Variants in PCDHGA6 observed in about 807,000 individuals in gnomAD.
PCDHGA6 encodes the protein protocadherin gamma-A6.
In PCDHGA6, 41 loss-of-function variants were observed where a neutral mutation model predicts 60.6. That is an observed-to-expected ratio of 0.68 (90% CI 0.53 to 0.88). The LOEUF is 0.88. Ranked by LOEUF, PCDHGA6 falls within the 40% of genes least tolerant of loss-of-function variation. The pLI is 0.00. For synonymous variants in PCDHGA6, 594 were observed against 524.4 expected (o/e 1.13, Z -1.81); for missense variants, 1,312 against 1,203.0 (o/e 1.09, Z -1.34).
intron 1 of PCDHGA6, among the ~76,000 whole-genome samples, chr5:141,461,054 T>C (rs984461416): frequency 6.6e-6 from 1 of 151,758 alleles, no homozygotes; most frequent in African/African-American, 2.4e-5. Context: ...GGGACTTAGG[T>C]TGGTTTCACA....
chr5:141,419,148 C>G, intron 1 of PCDHGA6: 1 of 1,613,940 alleles, frequency 6.2e-7, no homozygotes. Flanking sequence ...AGGGGCAAGC[C>G]TCCGTTATCC....
At chr5:141,500,152 A>C (rs1301287171) in intron 2 of PCDHGA6, among the ~76,000 whole-genome samples, 1 of 151,610 alleles carries the variant, frequency 6.6e-6, no homozygotes, top group African/African-American at 2.4e-5. Flanking sequence ...TTCTTTGTGT[A>C]ATCAAAGAAC....
chr5:141,473,763 GGATTTGGT>G (rs1358359618), intron 1 of PCDHGA6, among the ~76,000 whole-genome samples: 73 of 152,322 alleles, frequency 4.8e-4, no homozygotes, highest in African/African-American at 1.7e-3. Context: ...ACTATGCAAA[GGATTTGGT>G]ATTTTAATTC....
In PCDHGA6 at chr5:141,374,275, C is replaced by A. The variant is rs3749775; in HGVS notation, c.192C>A (p.Val64=). ...CCCAGGAGTTGGCGGAGCACGGAGTCCGCATCGTCTCCAGAGGTAGGATGC... is the reference window on the plus strand; with the variant it reads ...CCCAGGAGTTGGCGGAGCACGGAGTACGCATCGTCTCCAGAGGTAGGATGC... ...LEPQELAEHG[V]RIVSRGRMQL... The change falls in exon 1 of 4, where the codon GTC becomes GTA. Residue 64 remains valine (V), a synonymous_variant. Transcript: ENST00000517434. The A allele has an allele frequency of 0.053, 85,315 of 1,613,944 alleles. 2,491 individuals carry two copies. Among genetic ancestry groups the A allele is most frequent in the African/African-American group, 0.097 (7,246 of 75,040 alleles).
At position 141,487,344 on chromosome 5, in the gene PCDHGA6, C is replaced by T. The variant is rs1232854025; in HGVS notation, c.2425-7463C>T. On this transcript the variant is annotated intron_variant, in intron 1 of 3. Coordinates refer to ENST00000517434, the MANE Select transcript of PCDHGA6 (RefSeq NM_018919.3). This position sits in a 1 kb window ranked among gnomAD's most constrained non-coding sequence, Gnocchi z 5.0. ...CTTCGTGGGGCAGCCTGTGGAGTCA[C>T]ATGCTTTCCTGCTGGCACCTGTGCC... 3 of 1,614,208 alleles carry T rather than the reference C, an allele frequency of 1.9e-6. No individual in the cohort carries two copies. The highest frequency in any genetic ancestry group is 3.3e-5 in the Admixed American group (2 of 60,024).
At chr5:141,387,732 C>A (rs940812767) in intron 1 of PCDHGA6, 15 of 1,279,330 alleles carry the variant, frequency 1.2e-5, no homozygotes, top group South Asian at 1.6e-5. Context: ...CAGCGCCAGC[C>A]TTTACACCGC....
chr5:141,415,404 C>T, intron 1 of PCDHGA6: 1 of 1,614,238 alleles, frequency 6.2e-7, no homozygotes, highest in Non-Finnish European at 8.5e-7. Context: ...CCGGCTCGCA[C>T]TTTGTGGGCG....
chr5:141,375,622 TCTGTACGCC>T lies in PCDHGA6; in HGVS notation c.1543_1551del (p.Tyr515_Leu517del). 1 of 1,614,200 alleles carries T rather than the reference TCTGTACGCC, an allele frequency of 6.2e-7. No individual in the cohort carries two copies. On this transcript the variant is annotated inframe_deletion, in exon 1 of 4. Coordinates refer to ENST00000517434, the MANE Select transcript of PCDHGA6 (RefSeq NM_018919.3). ...TGTCCATCAACTCCGACACTGGGAT[TCTGTACGCC>T]CTGCGCTCCTTCGACTATGAGCAGT...
Position 141,409,860 on chromosome 5 carries a change from G to A in PCDHGA6, c.2424+33353G>A, listed in dbSNP as rs764823576. On this transcript the variant is annotated intron_variant, in intron 1 of 3. Transcript: ENST00000517434. ...AACGTGAGCCTGCGCGTGTTGGTGG[G>A]AGACCGCAATGACAACGCACCGCGG... is the stretch of plus-strand genomic sequence containing the variant. The A allele has an allele frequency of 1.2e-5, 20 of 1,612,364 alleles. No homozygotes were observed. In the South Asian group the frequency reaches 1.8e-4, roughly 14 times the overall value.
chr5:141,479,211 A>G (rs2099490342), intron 1 of PCDHGA6: 1 of 152,422 alleles, frequency 6.6e-6, no homozygotes, highest in African/African-American at 2.4e-5. Context: ...AAGTATTTAA[A>G]AAATTAAAAC....
intron 1 of PCDHGA6, chr5:141,415,349 A>G (rs921019257): frequency 1.2e-6 from 2 of 1,614,220 alleles, no homozygotes; most frequent in Non-Finnish European, 1.7e-6. Flanking sequence ...CGCTGGCACA[A>G]GTCACGCCTG....
At chr5:141,502,547 C>G (rs1340258642) in intron 2 of PCDHGA6, among the ~76,000 whole-genome samples, 2 of 152,156 alleles carry the variant, frequency 1.3e-5, no homozygotes, top group East Asian at 3.8e-4. Context: ...GTGGTAAAAA[C>G]AGTGTCCCAG....
At chr5:141,421,478 G>T in intron 1 of PCDHGA6, 1 of 1,614,130 alleles carries the variant, frequency 6.2e-7, no homozygotes, top group Non-Finnish European at 8.5e-7. Flanking sequence ...CGAAGCGGCA[G>T]CTTGATCACG....
intron 1 of PCDHGA6, chr5:141,410,847 G>GTTTTTT (rs773839667): frequency 6.3e-5 from 10 of 158,328 alleles, no homozygotes; most frequent in Admixed American, 1.8e-4. Flanking sequence ...TTTTGTCTTT[G>GTTTTTT]TCTTTTTTTT....
intron 1 of PCDHGA6, among the ~76,000 whole-genome samples, chr5:141,456,690 C>T (rs893478646): frequency 7.2e-5 from 11 of 152,218 alleles, no homozygotes; most frequent in Admixed American, 5.2e-4. Flanking sequence ...ACTGGCCAGG[C>T]GTGGTGGCTC....
intron 3 of PCDHGA6, among the ~76,000 whole-genome samples, chr5:141,507,518 A>T (rs1323767789): frequency 6.6e-6 from 1 of 152,132 alleles, no homozygotes; most frequent in African/African-American, 2.4e-5. Flanking sequence ...TGGGGCTATG[A>T]TTCCAGAGAG....
In PCDHGA6 at chr5:141,432,866, G is replaced by A; in HGVS notation, c.2424+56359G>A. The A allele has an allele frequency of 6.2e-7, 1 of 1,614,152 alleles. No individual in the cohort carries two copies. The highest frequency in any genetic ancestry group is 8.5e-7 in the Non-Finnish European group (1 of 1,180,008). On this transcript the variant is annotated intron_variant, in intron 1 of 3. Transcript: ENST00000517434. This position sits in a 1 kb window ranked among gnomAD's most constrained non-coding sequence, Gnocchi z 6.0. ...GGTAGCGGTGGCCGCGGTCTCCTGC[G>A]TCTTCCTGGCCTTCGTCATCTTGCT...
intron 1 of PCDHGA6, chr5:141,389,566 T>G: frequency 6.2e-7 from 1 of 1,613,278 alleles, no homozygotes; most frequent in Non-Finnish European, 8.5e-7. Context: ...CCACGGGTGC[T>G]GTACCCCGCG....
chr5:141,462,883 A>T (rs557432183), intron 1 of PCDHGA6, among the ~76,000 whole-genome samples: 9 of 152,230 alleles, frequency 5.9e-5, no homozygotes, highest in African/African-American at 2.2e-4. Context: ...GAACTATTGC[A>T]GTTTGTTTTG....
Sources: gnomAD v4.1 joint callset for allele counts (sites outside exome capture counted in the v4.1 genomes callset) on GRCh38, gnomAD v4.1.1 for gene constraint, Gnocchi (gnomAD v3.1) non-coding constraint, MANE v1.5 for transcripts, NCBI Gene and HGNC (gene_info 2026-07-23, HGNC 2026-07-21) for gene names.